Variants in NLGN1 observed in about 807,000 individuals in gnomAD.
NLGN1 encodes the protein neuroligin-1.
Under a neutral mutation model 65.5 loss-of-function variants are expected in NLGN1, and 12 were observed. The ratio of observed to expected loss-of-function variants is 0.18; its 90% CI spans 0.12 to 0.30. The LOEUF is 0.30. Among genes scored for constraint, NLGN1 ranks in the 10% least tolerant of loss-of-function variants. NLGN1 has a pLI of 1.00. For missense variants in NLGN1, 750 were observed against 1,007.1 expected (o/e 0.74, Z 3.46); for synonymous variants, 350 against 359.5 (o/e 0.97, Z 0.30).
chr3:174,212,948 C>T (rs147631958), intron 4 of NLGN1, among the ~76,000 whole-genome samples: 3 of 152,294 alleles, frequency 2.0e-5, no homozygotes, highest in Non-Finnish European at 4.4e-5. Flanking sequence ...TTCTCTTCTG[C>T]CTTTCTCTTT....
At chr3:174,267,207 T>C (rs1748428830) in intron 4 of NLGN1, among the ~76,000 whole-genome samples, 1 of 152,330 alleles carries the variant, frequency 6.6e-6, no homozygotes, top group South Asian at 2.1e-4. Context: ...ATTTGGCTCA[T>C]GGTTCTGCAG....
intron 4 of NLGN1, among the ~76,000 whole-genome samples, chr3:174,067,521 C>T (rs750960834): frequency 1.2e-4 from 19 of 152,048 alleles, no homozygotes; most frequent in Non-Finnish European, 2.6e-4. Flanking sequence ...TTTCTTCTAC[C>T]GTTACTGAGT....
intron 4 of NLGN1, among the ~76,000 whole-genome samples, chr3:174,079,645 C>G (rs1689825867): frequency 6.6e-6 from 1 of 152,128 alleles, no homozygotes; most frequent in Non-Finnish European, 1.5e-5. Context: ...AAATGCCCAT[C>G]AATGGTAGTC....
At chr3:174,210,962 G>A (rs1481188949) in intron 4 of NLGN1, among the ~76,000 whole-genome samples, 1 of 152,170 alleles carries the variant, frequency 6.6e-6, no homozygotes, top group Admixed American at 6.5e-5. Flanking sequence ...CTGACTTCAA[G>A]AATGAAGCCG....
At chr3:173,586,453 C>G (rs1297405754) in intron 2 of NLGN1, among the ~76,000 whole-genome samples, 1 of 152,144 alleles carries the variant, frequency 6.6e-6, no homozygotes, top group Non-Finnish European at 1.5e-5. Context: ...AAAGATTAGT[C>G]TAACCAAACT....
intron 4 of NLGN1, among the ~76,000 whole-genome samples, chr3:173,882,172 T>A (rs1733470939): frequency 6.6e-6 from 1 of 152,198 alleles, no homozygotes; most frequent in African/African-American, 2.4e-5. Flanking sequence ...GGCTTTTAAA[T>A]ATTCAATAAG....
intron 3 of NLGN1, among the ~76,000 whole-genome samples, chr3:173,751,619 G>A (rs1255169997): frequency 6.6e-6 from 1 of 152,012 alleles, no homozygotes; most frequent in Non-Finnish European, 1.5e-5. Context: ...AGATTTCCAA[G>A]CAAGGATGAA....
chr3:173,529,986 C>T (rs1736296092), intron 2 of NLGN1, among the ~76,000 whole-genome samples: 1 of 138,746 alleles, frequency 7.2e-6, no homozygotes. Context: ...TAGATAGAGT[C>T]TTACTCTGTC....
intron 3 of NLGN1, among the ~76,000 whole-genome samples, chr3:173,608,006 A>G (rs914801359): frequency 1.3e-5 from 2 of 151,854 alleles, no homozygotes; most frequent in African/African-American, 2.4e-5. Flanking sequence ...CTAATTGCCA[A>G]TTACAAGCCA....
At chr3:174,263,593 G>A in intron 4 of NLGN1, among the ~76,000 whole-genome samples, 2 of 152,082 alleles carry the variant, frequency 1.3e-5, no homozygotes, top group Middle Eastern at 6.8e-3. Flanking sequence ...ACGTGAGATG[G>A]GATTCCTGAA....
intron 3 of NLGN1, among the ~76,000 whole-genome samples, chr3:173,774,539 A>G (rs1447133405): frequency 2.0e-5 from 3 of 152,152 alleles, no homozygotes; most frequent in Non-Finnish European, 4.4e-5. Flanking sequence ...CCCTGCTATC[A>G]TACTCCAAAT....
At chr3:173,515,324 C>T (rs1464386238) in intron 2 of NLGN1, among the ~76,000 whole-genome samples, 1 of 151,982 alleles carries the variant, frequency 6.6e-6, no homozygotes, top group African/African-American at 2.4e-5. Flanking sequence ...AGGTTTTAGC[C>T]CATTTTTAAA....
intron 3 of NLGN1, among the ~76,000 whole-genome samples, chr3:173,776,596 T>G (rs896486929): frequency 6.6e-6 from 1 of 152,028 alleles, no homozygotes; most frequent in African/African-American, 2.4e-5. Context: ...TAGAATTGCC[T>G]TTGCATGTCA....
intron 4 of NLGN1, among the ~76,000 whole-genome samples, chr3:174,074,491 G>C (rs1740512510): frequency 6.6e-6 from 1 of 152,086 alleles, no homozygotes; most frequent in African/African-American, 2.4e-5. Context: ...TTTAAATTCT[G>C]GGTGATTACT....
At position 173,406,528 on chromosome 3, in the gene NLGN1, G is replaced by T. The variant is rs187946196; in HGVS notation, c.-390+8041G>T. On this transcript the variant is annotated intron_variant, in intron 1 of 6. Transcript: ENST00000457714. ...TATATGAATCACATATATATGAATA[G>T]ATATATATATCAATATATATGAATA... Among the ~76,000 whole-genome samples, 9 of 145,946 alleles carry T rather than the reference G, an allele frequency of 6.2e-5. No individual in the cohort carries two copies. In the South Asian group the frequency reaches 8.6e-4, roughly 14 times the overall value.
chr3:173,862,462 C>G (rs1046308005), intron 4 of NLGN1, among the ~76,000 whole-genome samples: 13 of 143,410 alleles, frequency 9.1e-5, no homozygotes, highest in African/African-American at 3.1e-4. Context: ...GCCGAGATCC[C>G]GCCACTGCAC....
At chr3:174,239,976 A>C (rs1742483991) in intron 4 of NLGN1, among the ~76,000 whole-genome samples, 1 of 152,220 alleles carries the variant, frequency 6.6e-6, no homozygotes, top group Non-Finnish European at 1.5e-5. Context: ...CAGGAACCCC[A>C]GAATATAATT....
chr3:173,904,118 A>G (rs1186465758), intron 4 of NLGN1, among the ~76,000 whole-genome samples: 1 of 152,142 alleles, frequency 6.6e-6, no homozygotes, highest in South Asian at 2.1e-4. Flanking sequence ...TTATTTTATT[A>G]TTTGAAAAGT....
At chr3:174,087,622 T>C (rs1301017400) in intron 4 of NLGN1, among the ~76,000 whole-genome samples, 3 of 152,144 alleles carry the variant, frequency 2.0e-5, no homozygotes, top group Non-Finnish European at 4.4e-5. Flanking sequence ...ATTCTCTGCA[T>C]TTTTTCATGA....
Sources: gnomAD v4.1 joint callset for allele counts (sites outside exome capture counted in the v4.1 genomes callset) on GRCh38, gnomAD v4.1.1 for gene constraint, MANE v1.5 for transcripts, NCBI Gene and HGNC (gene_info 2026-07-23, HGNC 2026-07-21) for gene names.